Variants in ZNF638 observed in about 807,000 individuals in gnomAD.
ZNF638 encodes the protein CTCL tumor antigen se33-1.
In ZNF638, 46 loss-of-function variants were observed where a neutral mutation model predicts 195.6. That is an observed-to-expected ratio of 0.24 (90% CI 0.19 to 0.30). The LOEUF is 0.30. Ranked by LOEUF, ZNF638 falls within the 10% of genes least tolerant of loss-of-function variation. The pLI, the probability that ZNF638 is intolerant of heterozygous loss-of-function variation, is 1.00. For missense variants in ZNF638, 2,440 were observed against 2,325.3 expected, an observed-to-expected ratio of 1.05 and a Z score of -1.01; for synonymous variants, 845 against 772.0, an observed-to-expected ratio of 1.09 and a Z score of -1.57.
chr2:71,421,148 G>A (rs1241255032), intron 21 of ZNF638, among the ~76,000 whole-genome samples: 1 of 152,036 alleles, frequency 6.6e-6, no homozygotes, highest in African/African-American at 2.4e-5. Flanking sequence ...CAGTAATGAG[G>A]CAGGAATTTG....
intron 1 of ZNF638, among the ~76,000 whole-genome samples, chr2:71,333,493 C>T (rs2078609315): frequency 6.6e-6 from 1 of 152,038 alleles, no homozygotes; most frequent in Non-Finnish European, 1.5e-5. Flanking sequence ...AGGGTGTATA[C>T]GGCAGGTACT....
At position 71,433,292 on chromosome 2, in the gene ZNF638, A is replaced by T. The variant is rs954550488; in HGVS notation, c.5871+9A>T. The T allele has an allele frequency of 8.2e-6, 13 of 1,580,692 alleles. No individual in the cohort carries two copies. The highest frequency in any genetic ancestry group is 1.1e-5 in the Non-Finnish European group (13 of 1,151,334). On this transcript the variant is annotated intron_variant, in intron 27 of 27. Transcript: ENST00000264447. ...ATAAGCAAAATACTGAGGTAATTTT[A>T]AAAATTCTTACAAAATCTTGAGGTG...
At chr2:71,370,965 C>CCT (rs1391233016) in intron 8 of ZNF638, among the ~76,000 whole-genome samples, 1 of 152,012 alleles carries the variant, frequency 6.6e-6, no homozygotes, top group African/African-American at 2.4e-5. Context: ...ATTATCCCCT[C>CCT]CTCTACCCCC....
chr2:71,408,321 G>A, intron 20 of ZNF638, 74 bp downstream of exon 20: 1 of 1,497,630 alleles, frequency 6.7e-7, no homozygotes, highest in South Asian at 1.3e-5. Context: ...TCAGGTAGTA[G>A]TCAAACTGTT....
At chr2:71,382,891 C>A (rs187838804) in intron 10 of ZNF638, among the ~76,000 whole-genome samples, 2 of 152,130 alleles carry the variant, frequency 1.3e-5, no homozygotes, top group African/African-American at 4.8e-5. Context: ...GACAGACCTA[C>A]TAACATAATC....
At position 71,349,896 on chromosome 2, in the gene ZNF638, C is replaced by T. The variant is rs991906384; in HGVS notation, c.942C>T (p.Ser314=). Residue 314 remains serine, a synonymous_variant, in exon 2 of 28, where the codon TCC becomes TCT. Coordinates refer to ENST00000264447, the MANE Select transcript of ZNF638 (RefSeq NM_014497.5). ...AACCCATAAAATCCGTCAACCAATC[C>T]ATTAACCAAACAGTTAGCCAGACAA... The part of the protein sequence containing the change: ...VLEPIKSVNQ[S]INQTVSQTMS... 2 of 1,614,198 alleles carry T rather than the reference C, an allele frequency of 1.2e-6. No individual in the cohort carries two copies. Among genetic ancestry groups the T allele is most frequent in the Admixed American group, 1.7e-5 (1 of 60,032 alleles).
At chr2:71,382,320 AG>A (rs1323986851) in intron 10 of ZNF638, among the ~76,000 whole-genome samples, 1 of 152,144 alleles carries the variant, frequency 6.6e-6, no homozygotes, top group African/African-American at 2.4e-5. Flanking sequence ...TTTAAGTTTA[AG>A]GTCTAAATTT....
At chr2:71,333,875 A>C (rs2078617095) in intron 1 of ZNF638, among the ~76,000 whole-genome samples, 1 of 152,200 alleles carries the variant, frequency 6.6e-6, no homozygotes, top group African/African-American at 2.4e-5. Flanking sequence ...TAGGTGCTTA[A>C]TGTTAGCTGT....
chr2:71,395,538 G>C (rs1372556917), intron 10 of ZNF638: 4 of 612,866 alleles, frequency 6.5e-6, no homozygotes, highest in Non-Finnish European at 1.2e-5. Flanking sequence ...TTATCTAGAC[G>C]AGTTTTATTT....
rs60228089 is a variant in ZNF638, at chr2:71,367,738, C to CTTT, written c.1996-633_1996-631dup. Among the ~76,000 whole-genome samples, 867 of 144,964 alleles carry CTTT rather than the reference C, an allele frequency of 6.0e-3. 12 individuals carry two copies. Among genetic ancestry groups the CTTT allele is most frequent in the Middle Eastern group, 0.053 (15 of 284 alleles). Reference sequence around the variant, plus strand: ...ACAGGCGTGAGCCACCAGGCCTGGCCTTTTTTTTTTTTTAAAAATATAGAG... The same window carrying CTTT: ...ACAGGCGTGAGCCACCAGGCCTGGCCTTTTTTTTTTTTTTTTAAAAATATAGAG... On this transcript the variant is annotated intron_variant, in intron 6 of 27. Transcript: ENST00000264447.
intron 10 of ZNF638, among the ~76,000 whole-genome samples, chr2:71,391,239 G>A (rs2079769891): frequency 6.6e-6 from 1 of 152,160 alleles, no homozygotes; most frequent in Non-Finnish European, 1.5e-5. Flanking sequence ...CTTCCCCTGT[G>A]GCAATTCTTC....
At chr2:71,403,453 G>A (rs1040870681) in intron 16 of ZNF638, among the ~76,000 whole-genome samples, 2 of 151,890 alleles carry the variant, frequency 1.3e-5, no homozygotes, top group African/African-American at 4.8e-5. Context: ...ATTGTTACAC[G>A]TTTCTTTGGT....
intron 3 of ZNF638, among the ~76,000 whole-genome samples, chr2:71,360,450 A>G (rs567833744): frequency 6.6e-6 from 1 of 151,032 alleles, no homozygotes; most frequent in Admixed American, 6.6e-5. Context: ...TCTTTCCAGA[A>G]TGCCTTTTAT....
At chr2:71,337,592 G>A (rs189140853) in intron 1 of ZNF638, among the ~76,000 whole-genome samples, 2,754 of 151,912 alleles carry the variant, frequency 0.018, 91 homozygotes, top group African/African-American at 0.063. Flanking sequence ...TTTTTGTAGA[G>A]ATGGGATTTT....
chr2:71,404,552 A>T (rs141481704), intron 17 of ZNF638, among the ~76,000 whole-genome samples: 1 of 152,152 alleles, frequency 6.6e-6, no homozygotes, highest in African/African-American at 2.4e-5. Context: ...CCCCATGCCT[A>T]CAAAACTTAA....
intron 3 of ZNF638, among the ~76,000 whole-genome samples, chr2:71,358,792 C>T (rs539158694): frequency 3.9e-5 from 6 of 152,154 alleles, no homozygotes; most frequent in South Asian, 2.1e-4. Flanking sequence ...TCTTTCCTAT[C>T]GGTGCCATTT....
chr2:71,353,229 G>C (rs1022640446), intron 2 of ZNF638, among the ~76,000 whole-genome samples: 1 of 152,170 alleles, frequency 6.6e-6, no homozygotes, highest in Non-Finnish European at 1.5e-5. Flanking sequence ...GATGTACTTT[G>C]AGAACGTGAA....
chr2:71,385,960 G>T (rs1246137875), intron 10 of ZNF638, among the ~76,000 whole-genome samples: 1 of 151,958 alleles, frequency 6.6e-6, no homozygotes, highest in South Asian at 2.1e-4. Flanking sequence ...AGAGAGGGTC[G>T]TATTGGAAGT....
intron 21 of ZNF638, among the ~76,000 whole-genome samples, chr2:71,420,450 C>T (rs2080407883): frequency 6.6e-6 from 1 of 152,140 alleles, no homozygotes; most frequent in Admixed American, 6.6e-5. Flanking sequence ...AGGAAGTAAA[C>T]AGTTGGCCTC....
Sources: allele counts gnomAD v4.1 joint callset (sites outside exome capture counted in the v4.1 genomes callset), GRCh38; gene constraint gnomAD v4.1.1; transcripts MANE v1.5; gene names NCBI Gene and HGNC (gene_info 2026-07-23, HGNC 2026-07-21).